TXNDC11: variants seen among roughly 807,000 people sequenced by gnomAD.
The protein encoded by TXNDC11 is thioredoxin domain containing 11.
Under a neutral mutation model 78.0 loss-of-function variants are expected in TXNDC11, and 68 were observed. The observed-to-expected ratio is 0.87, with a 90% CI of 0.72 to 1.07. TXNDC11 has a LOEUF of 1.07. Ranked by LOEUF, TXNDC11 falls within the 50% of genes least tolerant of loss-of-function variation. The probability of loss-of-function intolerance (pLI) is 0.00; values close to 1 mark genes in which losing one functional copy is unlikely to be tolerated. For missense variants in TXNDC11, 1,389 were observed against 1,221.8 expected (o/e 1.14, Z -2.04); for synonymous variants, 571 against 495.2 (o/e 1.15, Z -2.03).
intron 3 of TXNDC11, 63 bp downstream of exon 3, chr16:11,733,919 A>G (rs2052133946): frequency 1.6e-6 from 2 of 1,259,340 alleles, no homozygotes; most frequent in Non-Finnish European, 2.3e-6. Flanking sequence ...GAAAAAATGC[A>G]AAATTCATTT....
At chr16:11,689,579 G>C (rs2141983011) in intron 8 of TXNDC11, among the ~76,000 whole-genome samples, 1 of 152,290 alleles carries the variant, frequency 6.6e-6, no homozygotes, top group African/African-American at 2.4e-5. Context: ...ACAAAGAACA[G>C]CTAGGCTAAA....
intron 11 of TXNDC11, among the ~76,000 whole-genome samples, chr16:11,680,424 A>C (rs942521889): frequency 6.6e-6 from 1 of 152,260 alleles, no homozygotes; most frequent in African/African-American, 2.4e-5. Flanking sequence ...ACTGGCAAAC[A>C]GCCCAACCAA....
intron 5 of TXNDC11, among the ~76,000 whole-genome samples, chr16:11,718,909 T>C (rs1044269365): frequency 2.0e-5 from 3 of 152,158 alleles, no homozygotes; most frequent in South Asian, 2.1e-4. Context: ...TTTTGAACCT[T>C]TGAGTAATTT....
At chr16:11,709,030 C>T (rs781680707) in intron 5 of TXNDC11, among the ~76,000 whole-genome samples, 3 of 151,996 alleles carry the variant, frequency 2.0e-5, no homozygotes, top group Non-Finnish European at 2.9e-5. Flanking sequence ...ATGAAAAAAC[C>T]TTCGAAGAAA....
At chr16:11,732,713 C>T (rs549551897) in intron 3 of TXNDC11, among the ~76,000 whole-genome samples, 1 of 152,280 alleles carries the variant, frequency 6.6e-6, no homozygotes, top group African/African-American at 2.4e-5. Flanking sequence ...TGCCCAAATA[C>T]TACCTAATAG....
At chr16:11,709,584 GCTA>G (rs767088607) in intron 5 of TXNDC11, among the ~76,000 whole-genome samples, 3 of 151,228 alleles carry the variant, frequency 2.0e-5, no homozygotes, top group Non-Finnish European at 4.4e-5. Flanking sequence ...ACAGGCGCCC[GCTA>G]CCATGCCCGG....
intron 5 of TXNDC11, among the ~76,000 whole-genome samples, chr16:11,710,323 G>A (rs1396778442): frequency 9.9e-6 from 1 of 101,018 alleles, no homozygotes; most frequent in Non-Finnish European, 2.1e-5. Context: ...TCAGCTAGAT[G>A]AGGTCTCTGT....
intron 8 of TXNDC11, among the ~76,000 whole-genome samples, chr16:11,689,602 G>C (rs959228134): frequency 6.6e-6 from 1 of 152,138 alleles, no homozygotes; most frequent in Non-Finnish European, 1.5e-5. Context: ...TTTCAGAGAA[G>C]ATACAGAAGA....
chr16:11,699,275 G>A (rs1196082989), intron 6 of TXNDC11, among the ~76,000 whole-genome samples: 1 of 152,144 alleles, frequency 6.6e-6, no homozygotes, highest in East Asian at 1.9e-4. Context: ...CCATCTCATA[G>A]TCCTACCTTT....
chr16:11,716,992 A>G (rs2051544042), intron 5 of TXNDC11, among the ~76,000 whole-genome samples: 3 of 152,192 alleles, frequency 2.0e-5, no homozygotes, highest in Non-Finnish European at 4.4e-5. Flanking sequence ...GAGAGAGGGA[A>G]AAATCAACTG....
intron 11 of TXNDC11, among the ~76,000 whole-genome samples, chr16:11,680,130 C>CA (rs1227990062): frequency 6.6e-6 from 1 of 152,202 alleles, no homozygotes; most frequent in East Asian, 1.9e-4. Context: ...GGCCTAAAGC[C>CA]AGTGATGCAG....
At chr16:11,720,847 G>C (rs543103462) in intron 5 of TXNDC11, among the ~76,000 whole-genome samples, 9 of 151,244 alleles carry the variant, frequency 6.0e-5, no homozygotes, top group African/African-American at 2.2e-4. Context: ...GTTGAAGCAA[G>C]TCTCCCACCT....
intron 8 of TXNDC11, among the ~76,000 whole-genome samples, chr16:11,689,260 T>C (rs539588987): frequency 6.6e-6 from 1 of 152,274 alleles, no homozygotes; most frequent in East Asian, 1.9e-4. Context: ...AGCTAAAGTT[T>C]CAGTTCTTTT....
At chr16:11,733,372 A>T (rs1258658979) in intron 3 of TXNDC11, among the ~76,000 whole-genome samples, 1 of 152,112 alleles carries the variant, frequency 6.6e-6, no homozygotes, top group Non-Finnish European at 1.5e-5. Flanking sequence ...AAAAATACAA[A>T]AAAAATTAGC....
At chr16:11,729,397 G>C (rs898170832) in intron 4 of TXNDC11, among the ~76,000 whole-genome samples, 1 of 152,174 alleles carries the variant, frequency 6.6e-6, no homozygotes, top group African/African-American at 2.4e-5. Flanking sequence ...GCATAGCTAA[G>C]AACTAAAAGC....
intron 1 of TXNDC11, chr16:11,742,200 A>G: frequency 7.5e-6 from 3 of 401,090 alleles, no homozygotes; most frequent in Non-Finnish European, 1.3e-5. Flanking sequence ...AGTGACTCCA[A>G]CAGGTGAGGA....
chr16:11,721,979 T>A (rs560311634), intron 4 of TXNDC11, among the ~76,000 whole-genome samples: 2 of 152,186 alleles, frequency 1.3e-5, no homozygotes, highest in African/African-American at 2.4e-5. Context: ...ACCCTGTTTG[T>A]TGACAGTACA....
At chr16:11,721,727 G>A (rs1277003519) in intron 4 of TXNDC11, 57 bp from the exon 5 acceptor site, 6 of 968,072 alleles carry the variant, frequency 6.2e-6, no homozygotes, top group Non-Finnish European at 9.7e-6. Flanking sequence ...CAGTGTAATG[G>A]AGGATATTTT....
intron 10 of TXNDC11, among the ~76,000 whole-genome samples, chr16:11,686,628 A>C (rs1159340627): frequency 6.6e-6 from 1 of 152,224 alleles, no homozygotes; most frequent in Non-Finnish European, 1.5e-5. Context: ...TCTGTCACTT[A>C]AAACCACTGA....
Sources: allele counts gnomAD v4.1 joint callset (sites outside exome capture counted in the v4.1 genomes callset), GRCh38; gene constraint gnomAD v4.1.1; transcripts MANE v1.5; gene names NCBI Gene and HGNC (gene_info 2026-07-23, HGNC 2026-07-21).